Variants in RNF182 observed in about 807,000 individuals in gnomAD.
RNF182 encodes ring finger protein 182.
A neutral mutation model predicts 14.4 loss-of-function variants in RNF182; 15 were observed. The ratio of observed to expected loss-of-function variants is 1.04; its 90% CI spans 0.70 to 1.60. The LOEUF is 1.60. Ranked by LOEUF, RNF182 falls within the 40% of genes most tolerant of loss-of-function variation. The pLI is 0.00. For synonymous variants in RNF182, 128 were observed against 122.9 expected, an observed-to-expected ratio of 1.04 and a Z score of -0.27; for missense variants, 268 against 294.8, an observed-to-expected ratio of 0.91 and a Z score of 0.67.
intron 1 of RNF182, among the ~76,000 whole-genome samples, chr6:13,936,232 G>C (rs1390668793): frequency 6.6e-6 from 1 of 152,208 alleles, no homozygotes; most frequent in Non-Finnish European, 1.5e-5. Context: ...TTTGGGTGGG[G>C]ACACAGAGCC....
chr6:13,944,743 G>A (rs1759394223), intron 1 of RNF182, among the ~76,000 whole-genome samples: 1 of 152,156 alleles, frequency 6.6e-6, no homozygotes, highest in Non-Finnish European at 1.5e-5. Context: ...CTGTCTCTAT[G>A]TTACAATCAA....
chr6:13,939,261 T>C (rs1470716993), intron 1 of RNF182, among the ~76,000 whole-genome samples: 2 of 152,220 alleles, frequency 1.3e-5, no homozygotes, highest in Non-Finnish European at 2.9e-5. Flanking sequence ...TAGATTTTGA[T>C]TGGAATTGCA....
rs1760351190 is a variant in RNF182 at position 13,977,215 on chromosome 6, G to A, written c.96G>A (p.Arg32=). Residue 32 remains arginine, a synonymous_variant, in exon 3 of 3, where the codon AGG becomes AGA. Coordinates refer to ENST00000488300, the MANE Select transcript of RNF182 (RefSeq NM_152737.4). ...ICYNRYNLKQ[R]KPKVLECCHR... is the part of the protein sequence containing the mutation. Reference sequence around the variant, plus strand: ...ACAATCGATACAATCTGAAACAGAGGAAACCCAAAGTGCTGGAGTGTTGTC... The same window carrying A: ...ACAATCGATACAATCTGAAACAGAGAAAACCCAAAGTGCTGGAGTGTTGTC... The A allele has an allele frequency of 1.9e-6, 3 of 1,614,176 alleles. No homozygotes were observed. Among genetic ancestry groups the A allele is most frequent in the Non-Finnish European group, 2.5e-6 (3 of 1,180,018 alleles).
At chr6:13,967,939 A>G (rs1051132017) in intron 1 of RNF182, among the ~76,000 whole-genome samples, 4 of 152,170 alleles carry the variant, frequency 2.6e-5, no homozygotes, top group African/African-American at 9.7e-5. Flanking sequence ...TACACAATCT[A>G]TTCCACAAGC....
At chr6:13,963,994 G>C (rs566588663) in intron 1 of RNF182, among the ~76,000 whole-genome samples, 1 of 151,734 alleles carries the variant, frequency 6.6e-6, no homozygotes, top group Non-Finnish European at 1.5e-5. Flanking sequence ...TCATGAAAAA[G>C]TGGGGAAGAA....
intron 1 of RNF182, among the ~76,000 whole-genome samples, chr6:13,964,339 C>T (rs1310684464): frequency 6.6e-6 from 1 of 152,136 alleles, no homozygotes; most frequent in Non-Finnish European, 1.5e-5. Context: ...GGATGAGTAT[C>T]AGTTTGGTAC....
At chr6:13,962,810 GA>G (rs1392326020) in intron 1 of RNF182, among the ~76,000 whole-genome samples, 1 of 152,104 alleles carries the variant, frequency 6.6e-6, no homozygotes, top group Non-Finnish European at 1.5e-5. Flanking sequence ...ATGGTTGATG[GA>G]TTCTATAAGA....
chr6:13,976,970 T>C lies in RNF182; in HGVS notation c.-150T>C. The C allele has an allele frequency of 1.2e-6, 1 of 800,348 alleles. No homozygotes were observed. Among genetic ancestry groups the C allele is most frequent in the Non-Finnish European group, 2.0e-6 (1 of 495,954 alleles). The allele number at this position is 800,348 out of a possible 1,614,324, so 49.6% of individuals were successfully genotyped here. A position where few individuals can be genotyped will look rare whatever the true frequency, so the allele number is the denominator to read the frequency against. Reference sequence around the variant, plus strand: ...CAGAGTTATATGCAGAAGTTGAAAATGCCTGGAAGATTTCTGGTTTCTTTC... The same window carrying C: ...CAGAGTTATATGCAGAAGTTGAAAACGCCTGGAAGATTTCTGGTTTCTTTC... On this transcript the variant is annotated 5_prime_UTR_variant, in exon 3 of 3. The change abolishes an upstream ATG in the 5' untranslated region. Transcript: ENST00000488300.
intron 1 of RNF182, among the ~76,000 whole-genome samples, chr6:13,948,290 C>A (rs1347925138): frequency 6.6e-6 from 1 of 152,056 alleles, no homozygotes; most frequent in Non-Finnish European, 1.5e-5. Flanking sequence ...TGAAGAGAAT[C>A]AAAACAAGAC....
chr6:13,925,476 AGT>A (rs1365708254), intron 1 of RNF182: 1 of 152,188 alleles, frequency 6.6e-6, no homozygotes, highest in Non-Finnish European at 1.5e-5. Flanking sequence ...ATCTCTGAAA[AGT>A]GAGCCCATTT....
At position 13,977,485 on chromosome 6, in the gene RNF182, T is replaced by C; in HGVS notation, c.366T>C (p.Ser122=). 3 of 1,614,166 alleles carry C rather than the reference T, an allele frequency of 1.9e-6. No homozygotes were observed. In the South Asian group the frequency reaches 3.3e-5, roughly 18 times the overall value. Residue 122 remains serine, a synonymous_variant, in exon 3 of 3, where the codon TCT becomes TCC. Transcript: ENST00000488300. ...PKRLASLVSP[S]HTSSNCLVIT... is the part of the protein sequence containing the mutation. Reference sequence around the variant, plus strand: ...GGCTGGCCTCTCTGGTCAGTCCTTCTCACACGTCCTCCAACTGCCTGGTCA... The same window carrying C: ...GGCTGGCCTCTCTGGTCAGTCCTTCCCACACGTCCTCCAACTGCCTGGTCA...
intron 1 of RNF182, among the ~76,000 whole-genome samples, chr6:13,942,790 A>G (rs577930279): frequency 1.3e-5 from 2 of 151,988 alleles, no homozygotes; most frequent in East Asian, 1.9e-4. Flanking sequence ...CCTATTTTCC[A>G]TTGTATTTTT....
At chr6:13,975,781 T>C (rs1760308089) in intron 2 of RNF182, among the ~76,000 whole-genome samples, 1 of 152,240 alleles carries the variant, frequency 6.6e-6, no homozygotes, top group Admixed American at 6.5e-5. Context: ...TCTGCTATTA[T>C]TGCTTGGAGA....
chr6:13,968,816 G>A (rs1585046552), intron 1 of RNF182, among the ~76,000 whole-genome samples: 2 of 152,268 alleles, frequency 1.3e-5, no homozygotes, highest in South Asian at 2.1e-4. Context: ...ATGTGTGCAC[G>A]TGTGCAAATG....
intron 1 of RNF182, among the ~76,000 whole-genome samples, chr6:13,931,412 TG>T (rs756021199): frequency 3.9e-5 from 6 of 152,094 alleles, no homozygotes; most frequent in Admixed American, 1.3e-4. Flanking sequence ...GAGATTTCCT[TG>T]TTTTAGGATG....
chr6:13,926,577 C>G (rs532273709), intron 1 of RNF182, among the ~76,000 whole-genome samples: 1 of 152,272 alleles, frequency 6.6e-6, no homozygotes, highest in East Asian at 1.9e-4. Flanking sequence ...AGATGCTCTG[C>G]TAAATACTCT....
At chr6:13,961,165 A>C (rs1369741786) in intron 1 of RNF182, among the ~76,000 whole-genome samples, 1 of 152,176 alleles carries the variant, frequency 6.6e-6, no homozygotes, top group Non-Finnish European at 1.5e-5. Flanking sequence ...ATTGTGCTTT[A>C]CTTGCTGTAC....
intron 1 of RNF182, among the ~76,000 whole-genome samples, chr6:13,939,800 T>C (rs184898): frequency 0.95 from 144,571 of 152,304 alleles, 69,100 homozygotes; most frequent in East Asian, 1. Flanking sequence ...GCCTCAGCCT[T>C]CCAAAGTGCT....
At chr6:13,953,380 G>T (rs527447591) in intron 1 of RNF182, among the ~76,000 whole-genome samples, 1 of 152,328 alleles carries the variant, frequency 6.6e-6, no homozygotes, top group Non-Finnish European at 1.5e-5. Context: ...CTGGGTGTGT[G>T]TGTATGGTGG....
Sources: gnomAD v4.1 joint callset for allele counts (sites outside exome capture counted in the v4.1 genomes callset) on GRCh38, gnomAD v4.1.1 for gene constraint, MANE v1.5 for transcripts, NCBI Gene and HGNC (gene_info 2026-07-23, HGNC 2026-07-21) for gene names.